Variants in IL26 observed in about 807,000 individuals in gnomAD.
IL26 encodes the protein interleukin-26.
Under a neutral mutation model 21.7 loss-of-function variants are expected in IL26, and 23 were observed. That is an observed-to-expected ratio of 1.06 (90% CI 0.76 to 1.50). The LOEUF (loss-of-function observed/expected upper bound fraction) is 1.50, where lower values mean the gene tolerates loss of function less well. Among genes scored for constraint, IL26 ranks in the 40% most tolerant of loss-of-function variants. The probability of loss-of-function intolerance (pLI) is 0.00; values close to 1 mark genes in which losing one functional copy is unlikely to be tolerated. For missense variants in IL26, 204 were observed against 196.0 expected, an observed-to-expected ratio of 1.04 and a Z score of -0.24; for synonymous variants, 63 against 67.8, an observed-to-expected ratio of 0.93 and a Z score of 0.34.
Position 68,210,376 on chromosome 12 carries a change from A to C in IL26, c.364-8293T>G, listed in dbSNP as rs969065880. Reference sequence around the variant, plus strand: ...AAAAAAAAAAAAAAAAAAAAAAAAAAAAAAAAAACAGCACAAGCACTAGGA... The same window carrying C: ...AAAAAAAAAAAAAAAAAAAAAAAAACAAAAAAAACAGCACAAGCACTAGGA... On this transcript the variant is annotated intron_variant, in intron 3 of 4. Coordinates refer to ENST00000229134, the MANE Select transcript of IL26 (RefSeq NM_018402.2). 6.0e-4 allele frequency among the ~76,000 whole-genome samples: 70 copies of C among 116,574 alleles called. 3 individuals carry two copies. Among genetic ancestry groups the C allele is most frequent in the African/African-American group, 2.0e-3 (64 of 31,382 alleles). 76.5% of individuals were successfully genotyped at this position (116,574 alleles called of 152,430 possible).
chr12:68,213,634 C>T (rs1210977655), intron 3 of IL26, among the ~76,000 whole-genome samples: 1 of 151,982 alleles, frequency 6.6e-6, no homozygotes, highest in African/African-American at 2.4e-5. Context: ...TCCATTTCTT[C>T]TAAGTTTTCC....
chr12:68,223,200 T>A (rs1274448063), intron 3 of IL26, among the ~76,000 whole-genome samples: 1 of 152,148 alleles, frequency 6.6e-6, no homozygotes, highest in Non-Finnish European at 1.5e-5. Flanking sequence ...GCACAGCTTG[T>A]AAGACAACTG....
At chr12:68,203,001 G>GA (rs964297139) in intron 3 of IL26, among the ~76,000 whole-genome samples, 33 of 151,372 alleles carry the variant, frequency 2.2e-4, no homozygotes, top group Non-Finnish European at 3.7e-4. Context: ...AGAATGACAA[G>GA]AAAAAAAAAT....
intron 3 of IL26, among the ~76,000 whole-genome samples, chr12:68,219,643 C>T (rs1868991637): frequency 6.6e-6 from 1 of 151,474 alleles, no homozygotes; most frequent in Non-Finnish European, 1.5e-5. Context: ...GTTAATGACC[C>T]AAGTTTCTAG....
chr12:68,225,667 T>G lies in IL26; in HGVS notation c.90A>C (p.Lys30Asn). The G allele has an allele frequency of 6.2e-7, 1 of 1,614,076 alleles. No homozygotes were observed. The highest frequency in any genetic ancestry group is 8.5e-7 in the Non-Finnish European group (1 of 1,179,968). The change falls in exon 1 of 5, where the codon AAA (lysine) becomes AAC (asparagine). Residue 30 changes from lysine to asparagine, a missense_variant. Physicochemically the swap from Lys to Asn is moderately conservative, Grantham distance 94 (BLOSUM62 0). Transcript: ENST00000229134. ...IAKHKQSSFT[K>N]SCYPRGTLSQ... ...ACAATGTTCCCCTTGGGTAACAACTTTTGGTGAAGGAAGATTGCTTGTGCT... is the reference window on the plus strand; with the variant it reads ...ACAATGTTCCCCTTGGGTAACAACTGTTGGTGAAGGAAGATTGCTTGTGCT...
At chr12:68,222,885 T>A (rs142477842) in intron 3 of IL26, among the ~76,000 whole-genome samples, 1 of 152,330 alleles carries the variant, frequency 6.6e-6, no homozygotes, top group African/African-American at 2.4e-5. Context: ...GTGTCCGTTT[T>A]TATTAACAAA....
chr12:68,223,465 A>C (rs1869121334), intron 3 of IL26, among the ~76,000 whole-genome samples: 1 of 152,172 alleles, frequency 6.6e-6, no homozygotes, highest in Non-Finnish European at 1.5e-5. Context: ...TTCATCTAGA[A>C]TATTGTTCGT....
Position 68,225,275 on chromosome 12 carries a change from A to G in IL26, c.237T>C (p.Cys79=). The part of the protein sequence containing the change: ...KKTKKQFMKN[C]QFQEQLLSFF... ...AGGACAGAAGCTGTTCTTGAAATTGACAGTTTTTCTAAAAATAAGATACAA... is the reference window on the plus strand; with the variant it reads ...AGGACAGAAGCTGTTCTTGAAATTGGCAGTTTTTCTAAAAATAAGATACAA... Residue 79 remains cysteine, a synonymous_variant, in exon 3 of 5, where the codon TGT becomes TGC. Transcript: ENST00000229134. The G allele has an allele frequency of 6.2e-7, 1 of 1,604,168 alleles. No individual in the cohort carries two copies. The highest frequency in any genetic ancestry group is 1.7e-5 in the Admixed American group (1 of 57,492).
In IL26 at chr12:68,205,253, T is replaced by C. The variant is rs554697900; in HGVS notation, c.364-3170A>G. On this transcript the variant is annotated intron_variant, in intron 3 of 4. Transcript: ENST00000229134. ...ACTGTTGACAATGAATGATTTACAG[T>C]TGAACAATGCTGGATAACGTTAGGT... Among the ~76,000 whole-genome samples the C allele has an allele frequency of 2.8e-4, 43 of 152,190 alleles. No individual in the cohort carries two copies. The South Asian group carries it at 8.1e-3, about 29-fold the overall frequency.
chr12:68,215,312 C>T (rs945262466), intron 3 of IL26, among the ~76,000 whole-genome samples: 1 of 152,112 alleles, frequency 6.6e-6, no homozygotes, highest in African/African-American at 2.4e-5. Flanking sequence ...TTTCCCTGTG[C>T]TTGGTGCCTG....
intron 3 of IL26, among the ~76,000 whole-genome samples, chr12:68,224,183 G>A (rs1356598623): frequency 6.6e-6 from 1 of 152,106 alleles, no homozygotes; most frequent in Non-Finnish European, 1.5e-5. Context: ...AACTGCAGGA[G>A]GCTGGAGAAA....
intron 3 of IL26, among the ~76,000 whole-genome samples, chr12:68,211,311 T>G (rs1296340590): frequency 6.6e-6 from 1 of 152,224 alleles, no homozygotes; most frequent in Non-Finnish European, 1.5e-5. Flanking sequence ...CATCCATTGA[T>G]GAGCACTTAG....
chr12:68,224,243 C>T (rs1869158811), intron 3 of IL26, among the ~76,000 whole-genome samples: 1 of 152,148 alleles, frequency 6.6e-6, no homozygotes, highest in South Asian at 2.1e-4. Context: ...ATATTCCCCA[C>T]AGAGGCAACT....
At chr12:68,221,613 T>C (rs1869047361) in intron 3 of IL26, among the ~76,000 whole-genome samples, 1 of 152,228 alleles carries the variant, frequency 6.6e-6, no homozygotes, top group African/African-American at 2.4e-5. Context: ...AGTTGTACTG[T>C]TATCTGCAGC....
rs769928311 is a variant in IL26, at chr12:68,201,944, T to C, written c.430-13A>G. The C allele has an allele frequency of 6.9e-6, 11 of 1,585,100 alleles. No individual in the cohort carries two copies. Among genetic ancestry groups the C allele is most frequent in the East Asian group, 2.2e-5 (1 of 44,536 alleles). ...CTTTGTTTCCAATCTGCAGATAAAGTACAGATATAAGAGAATAAATTTTTC... is the reference window on the plus strand; with the variant it reads ...CTTTGTTTCCAATCTGCAGATAAAGCACAGATATAAGAGAATAAATTTTTC... On this transcript the variant is annotated splice_polypyrimidine_tract_variant and intron_variant, in intron 4 of 4. Transcript: ENST00000229134.
intron 3 of IL26, among the ~76,000 whole-genome samples, chr12:68,219,337 C>T (rs1220653518): frequency 6.6e-6 from 1 of 151,904 alleles, no homozygotes; most frequent in Non-Finnish European, 1.5e-5. Context: ...AGTATGGTCT[C>T]TGGCCAAAAT....
chr12:68,223,884 GTTTTTTT>G (rs376115904), intron 3 of IL26, among the ~76,000 whole-genome samples: 1 of 132,272 alleles, frequency 7.6e-6, no homozygotes, highest in Non-Finnish European at 1.6e-5. Flanking sequence ...AAATTTGGTG[GTTTTTTT>G]TTTTTTTTTT....
chr12:68,202,413 C>A (rs1411225489), intron 3 of IL26, among the ~76,000 whole-genome samples: 1 of 152,116 alleles, frequency 6.6e-6, no homozygotes, highest in Non-Finnish European at 1.5e-5. Context: ...TTTGTATTAG[C>A]CCATTTTCAC....
chr12:68,203,492 G>A lies in IL26; in HGVS notation c.364-1409C>T, dbSNP rs741345. 7.2e-4 allele frequency among the ~76,000 whole-genome samples: 109 copies of A among 152,264 alleles called. 1 individual carries two copies. In the East Asian group the frequency reaches 9.7e-3, roughly 13 times the overall value. On this transcript the variant is annotated intron_variant, in intron 3 of 4. Transcript: ENST00000229134. ...ACATCCCACAGGGAGTCCTATGCTC[G>A]TGACAAAATAGTGTCACTATCTAAC...
Sources: allele counts gnomAD v4.1 joint callset (sites outside exome capture counted in the v4.1 genomes callset), GRCh38; gene constraint gnomAD v4.1.1; transcripts MANE v1.5; gene names NCBI Gene and HGNC (gene_info 2026-07-23, HGNC 2026-07-21).